The following SDHAF4 variants were observed in gnomAD, a reference collection of about 807,000 sequenced individuals.
The protein encoded by SDHAF4 is succinate dehydrogenase complex assembly factor 4, also known as succinate dehydrogenase assembly factor 4, mitochondrial.
A neutral mutation model predicts 14.3 loss-of-function variants in SDHAF4; 14 were observed. That is an observed-to-expected ratio of 0.98 (90% CI 0.65 to 1.53). The LOEUF is 1.53. Among genes scored for constraint, SDHAF4 ranks in the 40% most tolerant of loss-of-function variants. The pLI is 0.00. For synonymous variants in SDHAF4, 63 were observed against 47.3 expected, an observed-to-expected ratio of 1.33 and a Z score of -1.36; for missense variants, 141 against 129.3, an observed-to-expected ratio of 1.09 and a Z score of -0.44.
chr6:70,584,074 G>A (rs1765171532), intron 2 of SDHAF4, among the ~76,000 whole-genome samples: 1 of 152,132 alleles, frequency 6.6e-6, no homozygotes. Flanking sequence ...TGCCCAGGCT[G>A]GCTTGCAGTG....
chr6:70,588,800 T>C lies in SDHAF4; in HGVS notation c.*76T>C, dbSNP rs1169366508. 17 of 783,404 alleles carry C rather than the reference T, an allele frequency of 2.2e-5. No homozygotes were observed. Among genetic ancestry groups the C allele is most frequent in the African/African-American group, 1.1e-4 (6 of 55,954 alleles). 48.5% of individuals were successfully genotyped at this position (783,404 alleles called of 1,614,324 possible). A position where few individuals can be genotyped will look rare whatever the true frequency, so the allele number is the denominator to read the frequency against. ...TTAACTTATTTCTGATTATTTTCTTTCTTTATATCCTTTATGTCGTGTAGT... is the reference window on the plus strand; with the variant it reads ...TTAACTTATTTCTGATTATTTTCTTCCTTTATATCCTTTATGTCGTGTAGT... On this transcript the variant is annotated 3_prime_UTR_variant, in exon 3 of 3. Transcript: ENST00000370474.
At chr6:70,594,872 A>G in the SDHAF4 span, among the ~76,000 whole-genome samples, 80 of 151,696 alleles carry the variant, frequency 5.3e-4, no homozygotes, top group African/African-American at 1.7e-3. Flanking sequence ...AGATCACACC[A>G]TTGCACTCCA....
chr6:70,569,225 A>G (rs562908400), intron 1 of SDHAF4, among the ~76,000 whole-genome samples: 1 of 150,924 alleles, frequency 6.6e-6, no homozygotes, highest in Non-Finnish European at 1.5e-5. Flanking sequence ...CGGCCTCCCA[A>G]AGTGCTGGGA....
intron 2 of SDHAF4, among the ~76,000 whole-genome samples, chr6:70,584,443 A>G (rs1188959086): frequency 1.3e-5 from 2 of 152,188 alleles, no homozygotes; most frequent in African/African-American, 2.4e-5. Context: ...TCTGTTCTCT[A>G]TCACTGTAGT....
the SDHAF4 span, among the ~76,000 whole-genome samples, chr6:70,595,105 A>G: frequency 5.6e-3 from 858 of 152,190 alleles, 3 homozygotes; most frequent in Non-Finnish European, 8.3e-3. Flanking sequence ...GGGTCAGGAA[A>G]AGTCAAGTCC....
At chr6:70,575,726 T>TGAGAGA (rs60738760) in intron 1 of SDHAF4, among the ~76,000 whole-genome samples, 36 of 151,128 alleles carry the variant, frequency 2.4e-4, no homozygotes, top group African/African-American at 4.4e-4. Context: ...TGTGTGTGTG[T>TGAGAGA]GAGAGAGAGA....
chr6:70,572,560 A>G (rs1437065106), intron 1 of SDHAF4, among the ~76,000 whole-genome samples: 1 of 152,208 alleles, frequency 6.6e-6, no homozygotes, highest in Non-Finnish European at 1.5e-5. Flanking sequence ...TCAATTAAAA[A>G]ATGAAGACTA....
rs118043631 is a variant in SDHAF4, at chr6:70,589,127, A to G, written c.*403A>G. 1,028 of 153,316 alleles carry G rather than the reference A, an allele frequency of 6.7e-3. 7 individuals carry two copies. Among genetic ancestry groups the G allele is most frequent in the Non-Finnish European group, 0.01 (696 of 68,994 alleles). 9.5% of individuals were successfully genotyped at this position (153,316 alleles called of 1,614,324 possible). A position where few individuals can be genotyped will look rare whatever the true frequency, so the allele number is the denominator to read the frequency against. On this transcript the variant is annotated 3_prime_UTR_variant, in exon 3 of 3. Transcript: ENST00000370474. ...AAAAAAAAGATAGGAAAGGGAAAAT[A>G]TTTTTTCATTAACATATATTAATTT...
At chr6:70,585,380 A>AT (rs1271894724) in intron 2 of SDHAF4, among the ~76,000 whole-genome samples, 3 of 152,218 alleles carry the variant, frequency 2.0e-5, no homozygotes, top group African/African-American at 7.2e-5. Flanking sequence ...TAATGCCCTT[A>AT]TAAGAAGAGA....
chr6:70,587,356 G>T (rs1765214167), intron 2 of SDHAF4, among the ~76,000 whole-genome samples: 1 of 152,022 alleles, frequency 6.6e-6, no homozygotes, highest in African/African-American at 2.4e-5. Flanking sequence ...CAGGCACATA[G>T]TGGTGTGCGC....
At chr6:70,595,308 G>A in the SDHAF4 span, among the ~76,000 whole-genome samples, 2 of 152,196 alleles carry the variant, frequency 1.3e-5, no homozygotes, top group Non-Finnish European at 1.5e-5. Context: ...ATAACTGTGT[G>A]ATATGAATTA....
chr6:70,569,140 A>G (rs960635341), intron 1 of SDHAF4, among the ~76,000 whole-genome samples: 2 of 145,592 alleles, frequency 1.4e-5, no homozygotes, highest in Non-Finnish European at 1.5e-5. Flanking sequence ...TAATTTTTGT[A>G]TTTTTAGTAG....
Position 70,566,931 on chromosome 6 carries a change from A to C in SDHAF4, c.-10A>C. The C allele has an allele frequency of 6.3e-7, 1 of 1,575,242 alleles. No individual in the cohort carries two copies. Among genetic ancestry groups the C allele is most frequent in the Non-Finnish European group, 8.6e-7 (1 of 1,160,332 alleles). On this transcript the variant is annotated 5_prime_UTR_variant, in exon 1 of 3. Transcript: ENST00000370474. ...TTTGCGCCTGCGCGGAGGCTCGGGG[A>C]GTCGGCGCCATGACCCCATCGAGGC...
chr6:70,587,852 T>A (rs1371507472), intron 2 of SDHAF4, among the ~76,000 whole-genome samples: 1 of 152,200 alleles, frequency 6.6e-6, no homozygotes, highest in African/African-American at 2.4e-5. Flanking sequence ...ATTATGATTA[T>A]AAATGGCAGT....
In SDHAF4 at chr6:70,588,731, T is replaced by C. The variant is rs1765231057; in HGVS notation, c.*7T>C. 6.5e-7 allele frequency: 1 copy of C among 1,542,136 alleles called. No homozygotes were observed. Among genetic ancestry groups the C allele is most frequent in the Non-Finnish European group, 8.9e-7 (1 of 1,121,670 alleles). On this transcript the variant is annotated 3_prime_UTR_variant, in exon 3 of 3. Transcript: ENST00000370474. ...ACGCTGTATTGATTTTTAAGTCGCA[T>C]ATTCTTTAACTTCAATATTGTTTTC...
rs574947224 is a variant in SDHAF4 at position 70,581,173 on chromosome 6, AC to A, written c.217+1613del. Among the ~76,000 whole-genome samples, 535 of 151,208 alleles carry A rather than the reference AC, an allele frequency of 3.5e-3. 4 individuals carry two copies. Among genetic ancestry groups the A allele is most frequent in the Middle Eastern group, 6.8e-3 (2 of 294 alleles). ...TTGAACTCCTGACCTCAAGTGACCA[AC>A]CCCCCTCGGCCTCCCAAAGTGCTGG... On this transcript the variant is annotated intron_variant, in intron 2 of 2. Coordinates refer to ENST00000370474, the MANE Select transcript of SDHAF4 (RefSeq NM_145267.3).
At chr6:70,597,299 ATTTTTT>A in the SDHAF4 span, among the ~76,000 whole-genome samples, 9 of 108,100 alleles carry the variant, frequency 8.3e-5, no homozygotes, top group Admixed American at 5.1e-4. Flanking sequence ...CGCCTGGCTA[ATTTTTT>A]TTTTTTTTTT....
downstream of SDHAF4, among the ~76,000 whole-genome samples, chr6:70,593,228 G>A (rs73488128): frequency 5.7e-3 from 865 of 152,344 alleles, 4 homozygotes; most frequent in African/African-American, 0.02. Context: ...GAGCCTTGGC[G>A]ACCTGCACAT....
At position 70,583,482 on chromosome 6, in the gene SDHAF4, A is replaced by G. The variant is rs573089933; in HGVS notation, c.217+3916A>G. On this transcript the variant is annotated intron_variant, in intron 2 of 2. Coordinates refer to ENST00000370474, the MANE Select transcript of SDHAF4 (RefSeq NM_145267.3). ...CATTTCAAAATACCTGGAGAAAGCTATGGTCAAAGAGAAAGAGGCTGCAGA... is the reference window on the plus strand; with the variant it reads ...CATTTCAAAATACCTGGAGAAAGCTGTGGTCAAAGAGAAAGAGGCTGCAGA... Among the ~76,000 whole-genome samples, 68 of 152,314 alleles carry G rather than the reference A, an allele frequency of 4.5e-4. No homozygotes were observed. In the Middle Eastern group the frequency reaches 0.01, roughly 23 times the overall value.
Sources: gnomAD v4.1 joint callset for allele counts (sites outside exome capture counted in the v4.1 genomes callset) on GRCh38, gnomAD v4.1.1 for gene constraint, MANE v1.5 for transcripts, NCBI Gene and HGNC (gene_info 2026-07-23, HGNC 2026-07-21) for gene names.